Variants in TUBB8 observed in about 807,000 individuals in gnomAD.
The protein encoded by TUBB8 is tubulin beta 8 class VIII.
Under a neutral mutation model 33.7 loss-of-function variants are expected in TUBB8, and 25 were observed. The ratio of observed to expected loss-of-function variants is 0.74; its 90% confidence interval spans 0.54 to 1.04. TUBB8 has a LOEUF of 1.04. Ranked by LOEUF, TUBB8 falls within the 50% of genes least tolerant of loss-of-function variation. The pLI is 0.00. For synonymous variants in TUBB8, 245 were observed against 240.1 expected (o/e 1.02, Z -0.19); for missense variants, 279 against 608.0 (o/e 0.46, Z 5.69).
chr10:47,813 T>A lies in TUBB8; in HGVS notation c.579A>T (p.Ile193=). 15 of 1,614,242 alleles carry A rather than the reference T, an allele frequency of 9.3e-6. No homozygotes were observed. The highest frequency in any genetic ancestry group is 1.3e-5 in the Non-Finnish European group (15 of 1,180,044). The change falls in exon 4 of 4, where the codon ATA becomes ATT. Residue 193 remains isoleucine (I), a synonymous_variant. Transcript: ENST00000568584. Reference sequence around the variant, plus strand: ...TGCAAAAGGTCTCATCTGCGTTTTCTATGAGCTGGTGGACTGAGAGGGTGG... The same window carrying A: ...TGCAAAAGGTCTCATCTGCGTTTTCAATGAGCTGGTGGACTGAGAGGGTGG... The part of the protein sequence containing the change: ...YNATLSVHQL[I]ENADETFCID...
At chr10:55,148 A>G (rs369889737) in intron 1 of TUBB8, among the ~76,000 whole-genome samples, 15,710 of 115,570 alleles carry the variant, frequency 0.14, no homozygotes, top group African/African-American at 0.25. Flanking sequence ...ATGGCGGACG[A>G]GGAAGCAGGC....
upstream of TUBB8, among the ~76,000 whole-genome samples, chr10:76,160 A>C (rs1257589850): frequency 4.0e-5 from 6 of 148,518 alleles, no homozygotes; most frequent in African/African-American, 4.9e-5. Context: ...AAAAAAAAAA[A>C]CACGAGCACC....
At chr10:70,992 G>A (rs1204014317) in intron 1 of TUBB8, among the ~76,000 whole-genome samples, 1 of 152,092 alleles carries the variant, frequency 6.6e-6, no homozygotes, top group Non-Finnish European at 1.5e-5. Context: ...AAAGCTTGGA[G>A]TGACCCTTAG....
intron 1 of TUBB8, among the ~76,000 whole-genome samples, chr10:54,661 CTTTTA>C (rs566207371): frequency 9.0e-4 from 137 of 152,174 alleles, no homozygotes; most frequent in Middle Eastern, 3.4e-3. Flanking sequence ...TTTGTCCACT[CTTTTA>C]TTATATTTTT....
At chr10:52,224 T>C (rs1258954820), upstream of TUBB8, among the ~76,000 whole-genome samples, 1 of 152,234 alleles carries the variant, frequency 6.6e-6, no homozygotes, top group Admixed American at 6.5e-5. Flanking sequence ...GTAATCATTC[T>C]TGCCAACCTG....
intron 1 of TUBB8, among the ~76,000 whole-genome samples, chr10:66,817 C>A (rs1430311483): frequency 4.0e-5 from 6 of 150,780 alleles, no homozygotes; most frequent in South Asian, 2.1e-4. Flanking sequence ...ATAAAAAAAT[C>A]AAAAAATTAG....
intron 1 of TUBB8, among the ~76,000 whole-genome samples, chr10:72,980 A>C (rs1418445643): frequency 6.9e-6 from 1 of 145,512 alleles, no homozygotes; most frequent in Non-Finnish European, 1.5e-5. Flanking sequence ...GGCCAAGGGA[A>C]AAAAAAAAAG....
intron 1 of TUBB8, among the ~76,000 whole-genome samples, chr10:55,714 G>A (rs1358104888): frequency 6.6e-6 from 1 of 152,216 alleles, no homozygotes; most frequent in Non-Finnish European, 1.5e-5. Flanking sequence ...TGGCTTGCCA[G>A]TTTTCCCAGC....
upstream of TUBB8, chr10:50,011 T>G (rs1446734996): frequency 6.2e-6 from 1 of 160,126 alleles, no homozygotes; most frequent in African/African-American, 2.4e-5. Flanking sequence ...GGGGAATGCC[T>G]CGATCTAACC....
At chr10:72,376 T>C (rs1305568510) in intron 1 of TUBB8, among the ~76,000 whole-genome samples, 1 of 150,860 alleles carries the variant, frequency 6.6e-6, no homozygotes, top group Non-Finnish European at 1.5e-5. Flanking sequence ...CTGGCCAACA[T>C]GGTGAAACCC....
chr10:50,835 A>C (rs1174781534), upstream of TUBB8, among the ~76,000 whole-genome samples: 10 of 152,236 alleles, frequency 6.6e-5, no homozygotes, highest in Non-Finnish European at 1.3e-4. Flanking sequence ...TTGTGCTAAT[A>C]ATAGCATATT....
At chr10:75,101 CT>C (rs1834793591), upstream of TUBB8, among the ~76,000 whole-genome samples, 1 of 151,190 alleles carries the variant, frequency 6.6e-6, no homozygotes, top group South Asian at 2.1e-4. Flanking sequence ...TCTCGAACTC[CT>C]GTCCTCAGGT....
upstream of TUBB8, among the ~76,000 whole-genome samples, chr10:53,857 C>A (rs1834498112): frequency 6.6e-6 from 1 of 152,304 alleles, no homozygotes; most frequent in Admixed American, 6.5e-5. Context: ...ATGGGTCACA[C>A]CTGCCTCATT....
chr10:58,658 G>A (rs76672844), intron 1 of TUBB8, among the ~76,000 whole-genome samples: 1 of 152,108 alleles, frequency 6.6e-6, no homozygotes, highest in Admixed American at 6.6e-5. Context: ...AAATAACCAG[G>A]TCTTATGGGA....
In TUBB8 at chr10:58,249, TCACAGC is replaced by T. The variant is rs1834557433; in HGVS notation, c.-845-8022_-845-8017del. On this transcript the variant is annotated intron_variant, in intron 1 of 3. Transcript: ENST00000564130. ...GTCCAGATCACTATCAGCATTTTGG[TCACAGC>T]CATTCAAAATTAAGAAAATCTCAAC... is the stretch of plus-strand genomic sequence containing the variant. Among the ~76,000 whole-genome samples the T allele has an allele frequency of 2.0e-5, 3 of 152,368 alleles. No homozygotes were observed. The South Asian group carries it at 6.2e-4, about 32-fold the overall frequency.
chr10:61,140 G>C (rs1278943340), intron 1 of TUBB8, among the ~76,000 whole-genome samples: 4 of 151,612 alleles, frequency 2.6e-5, no homozygotes, highest in African/African-American at 9.7e-5. Flanking sequence ...ACGAGTTAGT[G>C]GGTGCAGCGC....
upstream of TUBB8, among the ~76,000 whole-genome samples, chr10:52,317 G>T (rs1289504837): frequency 2.0e-5 from 3 of 152,200 alleles, no homozygotes; most frequent in African/African-American, 7.2e-5. Context: ...TGGGGGTCTT[G>T]TCTTGGTGTC....
intron 1 of TUBB8, among the ~76,000 whole-genome samples, chr10:60,062 A>G (rs1434796635): frequency 6.6e-6 from 1 of 152,178 alleles, no homozygotes; most frequent in Non-Finnish European, 1.5e-5. Context: ...CTGTTCAAAA[A>G]ATCAACTTTT....
intron 1 of TUBB8, among the ~76,000 whole-genome samples, chr10:64,980 A>T (rs1554741376): frequency 8.9e-6 from 1 of 112,440 alleles, no homozygotes; most frequent in Non-Finnish European, 1.8e-5. Flanking sequence ...TCCACTAAAA[A>T]AAAAAAAAAA....
Sources: gnomAD v4.1 joint callset for allele counts (sites outside exome capture counted in the v4.1 genomes callset) on GRCh38, gnomAD v4.1.1 for gene constraint, MANE v1.5 for transcripts, NCBI Gene and HGNC (gene_info 2026-07-23, HGNC 2026-07-21) for gene names.